The following METTL24 variants were observed in gnomAD, a reference collection of about 807,000 sequenced individuals.
METTL24 encodes methyltransferase like 24.
A neutral mutation model predicts 32.7 loss-of-function variants in METTL24; 29 were observed. The ratio of observed to expected loss-of-function variants is 0.89; its 90% CI spans 0.66 to 1.21. METTL24 has a LOEUF of 1.21. Among genes scored for constraint, METTL24 ranks in the 50% most tolerant of loss-of-function variants. The pLI is 0.00. For synonymous variants in METTL24, 163 were observed against 179.5 expected, an observed-to-expected ratio of 0.91 and a Z score of 0.73; for missense variants, 439 against 468.1, an observed-to-expected ratio of 0.94 and a Z score of 0.57.
At chr6:110,352,566 T>C (rs990057745) in intron 1 of METTL24, among the ~76,000 whole-genome samples, 2 of 151,666 alleles carry the variant, frequency 1.3e-5, no homozygotes, top group East Asian at 1.9e-4. Flanking sequence ...AGGATAAAAA[T>C]GTTTCTTGCA....
intron 1 of METTL24, among the ~76,000 whole-genome samples, chr6:110,331,600 G>C (rs146124094): frequency 3.4e-5 from 5 of 146,962 alleles, no homozygotes; most frequent in South Asian, 2.2e-4. Context: ...GGTCAAGGCT[G>C]CAGTGAGTCA....
intron 4 of METTL24, among the ~76,000 whole-genome samples, chr6:110,284,776 C>T (rs1050622108): frequency 6.6e-6 from 1 of 152,058 alleles, no homozygotes; most frequent in African/African-American, 2.4e-5. Context: ...TCTTCCGCTA[C>T]TTATACTACA....
At chr6:110,326,302 C>T (rs1261852615) in intron 1 of METTL24, among the ~76,000 whole-genome samples, 3 of 152,198 alleles carry the variant, frequency 2.0e-5, no homozygotes, top group Non-Finnish European at 4.4e-5. Context: ...CCCTTTTGTC[C>T]AATCACACTT....
At chr6:110,339,731 G>C (rs953077563) in intron 1 of METTL24, among the ~76,000 whole-genome samples, 1 of 152,188 alleles carries the variant, frequency 6.6e-6, no homozygotes, top group African/African-American at 2.4e-5. Context: ...GTGATTCACT[G>C]TTTCAATCAT....
chr6:110,263,732 T>C (rs889855484), intron 4 of METTL24, among the ~76,000 whole-genome samples: 2 of 152,130 alleles, frequency 1.3e-5, no homozygotes, highest in African/African-American at 4.8e-5. Context: ...ACTACAAGGC[T>C]ACAGTAACCA....
chr6:110,303,327 C>T (rs551453948), intron 3 of METTL24, among the ~76,000 whole-genome samples: 5 of 152,204 alleles, frequency 3.3e-5, no homozygotes, highest in African/African-American at 9.6e-5. Flanking sequence ...CATTCACTCC[C>T]CTGGAAAAGG....
chr6:110,303,013 C>G (rs767395541), intron 3 of METTL24, among the ~76,000 whole-genome samples: 3 of 151,998 alleles, frequency 2.0e-5, no homozygotes, highest in African/African-American at 7.3e-5. Flanking sequence ...CCACAGAGGG[C>G]GAGCAGAAGT....
chr6:110,263,653 G>A (rs1212115857), intron 4 of METTL24, among the ~76,000 whole-genome samples: 6 of 152,074 alleles, frequency 3.9e-5, no homozygotes, highest in Admixed American at 6.5e-5. Flanking sequence ...AAAAGAGCCC[G>A]CATCGCCAAG....
chr6:110,322,724 A>G (rs1434347065), intron 2 of METTL24, 50 bp downstream of exon 2: 2 of 1,483,680 alleles, frequency 1.3e-6, no homozygotes, highest in Non-Finnish European at 1.9e-6. Flanking sequence ...AAAAGAGGCA[A>G]TCAGGATCTT....
chr6:110,278,210 A>G lies in METTL24; in HGVS notation c.786+20712T>C, dbSNP rs376066476. 1.5e-4 allele frequency among the ~76,000 whole-genome samples: 23 copies of G among 152,254 alleles called. No homozygotes were observed. In the East Asian group the frequency reaches 2.7e-3, roughly 18 times the overall value. On this transcript the variant is annotated intron_variant, in intron 4 of 4. Transcript: ENST00000338882. ...TTCTGGTTCCCGTGTGTGAATTGTG[A>G]AAAGGGCATTCTGAATGCTACCTCT... is the stretch of plus-strand genomic sequence containing the variant.
chr6:110,320,695 G>T (rs758992692), intron 2 of METTL24, among the ~76,000 whole-genome samples: 1 of 152,142 alleles, frequency 6.6e-6, no homozygotes, highest in African/African-American at 2.4e-5. Context: ...GAGTTGGTTA[G>T]ATCCTTAAGG....
At chr6:110,257,085 A>G (rs1252839598) in intron 4 of METTL24, among the ~76,000 whole-genome samples, 2 of 152,252 alleles carry the variant, frequency 1.3e-5, no homozygotes. Flanking sequence ...ATCTGAGAGA[A>G]GATGACTTAA....
chr6:110,248,125 C>T (rs1199699319), intron 4 of METTL24, among the ~76,000 whole-genome samples: 1 of 152,126 alleles, frequency 6.6e-6, no homozygotes, highest in Admixed American at 6.6e-5. Context: ...ACCTCTTCGC[C>T]TTCCACCATG....
In METTL24 at chr6:110,280,897, C is replaced by T. The variant is rs552318222; in HGVS notation, c.786+18025G>A. 3.9e-5 allele frequency among the ~76,000 whole-genome samples: 6 copies of T among 152,242 alleles called. No individual in the cohort carries two copies. In the South Asian group the frequency reaches 1.0e-3, roughly 26 times the overall value. On this transcript the variant is annotated intron_variant, in intron 4 of 4. Transcript: ENST00000338882. ...CAAACTCCTGAGCTCAAGTGATCTG[C>T]CCACCTCAGCCTTTCTAAGTGCTGG...
At chr6:110,263,586 C>G (rs1770795739) in intron 4 of METTL24, among the ~76,000 whole-genome samples, 1 of 152,178 alleles carries the variant, frequency 6.6e-6, no homozygotes. Flanking sequence ...CATCGAGCTA[C>G]CAATGACTTT....
At chr6:110,310,134 T>C (rs972734265) in intron 3 of METTL24, among the ~76,000 whole-genome samples, 5 of 152,214 alleles carry the variant, frequency 3.3e-5, no homozygotes, top group Admixed American at 6.5e-5. Flanking sequence ...GAAATGCTCA[T>C]GGTAACCAAA....
At chr6:110,257,934 A>T (rs1422853899) in intron 4 of METTL24, among the ~76,000 whole-genome samples, 1 of 152,200 alleles carries the variant, frequency 6.6e-6, no homozygotes, top group Non-Finnish European at 1.5e-5. Flanking sequence ...GTGTGCAAAA[A>T]TGTATGTCTG....
chr6:110,298,017 GGGA>G (rs983419576), intron 4 of METTL24, among the ~76,000 whole-genome samples: 1 of 151,838 alleles, frequency 6.6e-6, no homozygotes, highest in Non-Finnish European at 1.5e-5. Flanking sequence ...GGAGGAAGAG[GGGA>G]GGAGGAGGAG....
At chr6:110,252,954 A>T (rs1778309717) in intron 4 of METTL24, among the ~76,000 whole-genome samples, 1 of 152,146 alleles carries the variant, frequency 6.6e-6, no homozygotes, top group South Asian at 2.1e-4. Context: ...TTTATTTTGC[A>T]CTAGGCCCCA....
Sources: allele counts gnomAD v4.1 joint callset (sites outside exome capture counted in the v4.1 genomes callset), GRCh38; gene constraint gnomAD v4.1.1; transcripts MANE v1.5; gene names NCBI Gene and HGNC (gene_info 2026-07-23, HGNC 2026-07-21).